Variants in FBXL17 observed in about 807,000 individuals in gnomAD.
The protein encoded by FBXL17 is F-box and leucine rich repeat protein 17.
FBXL17 carries 22 observed loss-of-function variants against 66.2 expected under a neutral mutation model. That is an observed-to-expected ratio of 0.33 (90% CI 0.24 to 0.47). FBXL17 has a LOEUF of 0.47. Among genes scored for constraint, FBXL17 ranks in the 20% least tolerant of loss-of-function variants. The pLI is 1.00. For synonymous variants in FBXL17, 474 were observed against 400.5 expected (o/e 1.18, Z -2.19); for missense variants, 878 against 948.2 (o/e 0.93, Z 0.97).
intron 4 of FBXL17, among the ~76,000 whole-genome samples, chr5:108,233,996 G>A (rs1229300259): frequency 6.6e-6 from 1 of 152,122 alleles, no homozygotes; most frequent in Admixed American, 6.6e-5. Flanking sequence ...GCCCCTGCAG[G>A]AGGTGGAAAT....
At chr5:107,931,778 C>A (rs1213946412) in intron 7 of FBXL17, among the ~76,000 whole-genome samples, 1 of 152,082 alleles carries the variant, frequency 6.6e-6, no homozygotes, top group Non-Finnish European at 1.5e-5. Flanking sequence ...GTCACATATT[C>A]ACATTTTATA....
At chr5:108,086,610 G>C (rs1748980591) in intron 6 of FBXL17, among the ~76,000 whole-genome samples, 1 of 152,164 alleles carries the variant, frequency 6.6e-6, no homozygotes, top group Non-Finnish European at 1.5e-5. Flanking sequence ...CCAGGCTGGA[G>C]TGCAGTGGCA....
intron 6 of FBXL17, among the ~76,000 whole-genome samples, chr5:108,129,320 C>A (rs1053528147): frequency 5.9e-5 from 9 of 152,038 alleles, no homozygotes; most frequent in African/African-American, 2.2e-4. Flanking sequence ...AGTTGTCACT[C>A]ACAGGATGAC....
chr5:108,110,927 A>G (rs1041703089), intron 6 of FBXL17, among the ~76,000 whole-genome samples: 1 of 152,202 alleles, frequency 6.6e-6, no homozygotes, highest in Non-Finnish European at 1.5e-5. Context: ...TAAACTAGGT[A>G]CTAAGCCTCC....
chr5:108,201,738 C>G lies in FBXL17; in HGVS notation c.1615-15491G>C, dbSNP rs956372450. Reference sequence around the variant, plus strand: ...TGTTCTGCTGATTTAGAAATGGGACCCCTTCCATGTTCAATATCACTCTTT... The same window carrying G: ...TGTTCTGCTGATTTAGAAATGGGACGCCTTCCATGTTCAATATCACTCTTT... On this transcript the variant is annotated intron_variant, in intron 5 of 8. Coordinates refer to ENST00000542267, the MANE Select transcript of FBXL17 (RefSeq NM_001163315.3). 7.3e-5 allele frequency among the ~76,000 whole-genome samples: 11 copies of G among 151,674 alleles called. No individual in the cohort carries two copies. The East Asian group carries it at 1.2e-3, about 16-fold the overall frequency.
At chr5:108,125,468 A>G (rs530500047) in intron 6 of FBXL17, among the ~76,000 whole-genome samples, 1 of 152,086 alleles carries the variant, frequency 6.6e-6, no homozygotes, top group African/African-American at 2.4e-5. Flanking sequence ...ACTGAACAAA[A>G]TGGTTAACAC....
chr5:108,354,456 C>G (rs1388655562), intron 3 of FBXL17, among the ~76,000 whole-genome samples: 1 of 150,880 alleles, frequency 6.6e-6, no homozygotes, highest in Non-Finnish European at 1.5e-5. Context: ...AGAAAAAAGA[C>G]TGAAAAAAAA....
rs189561402 is a variant in FBXL17 at position 108,019,396 on chromosome 5, A to G, written c.1822+1529T>C. Among the ~76,000 whole-genome samples the G allele has an allele frequency of 1.2e-4, 19 of 152,204 alleles. No individual in the cohort carries two copies. The East Asian group carries it at 3.5e-3, about 28-fold the overall frequency. ...CACTGCCTTTGTTATGACATGAAGTATCTCTATGCCTTCAGGATAAAGTGT... is the reference window on the plus strand; with the variant it reads ...CACTGCCTTTGTTATGACATGAAGTGTCTCTATGCCTTCAGGATAAAGTGT... On this transcript the variant is annotated intron_variant, in intron 7 of 8. Coordinates refer to ENST00000542267, the MANE Select transcript of FBXL17 (RefSeq NM_001163315.3).
chr5:108,133,370 C>T (rs897118042), intron 6 of FBXL17, among the ~76,000 whole-genome samples: 1 of 151,944 alleles, frequency 6.6e-6, no homozygotes, highest in Non-Finnish European at 1.5e-5. Context: ...TTTAAATATT[C>T]ATAGTTTATG....
intron 7 of FBXL17, among the ~76,000 whole-genome samples, chr5:107,904,387 T>TA (rs1749682046): frequency 6.6e-6 from 1 of 152,164 alleles, no homozygotes; most frequent in East Asian, 1.9e-4. Context: ...GACTCTGCTC[T>TA]ATTTGGATCC....
At chr5:107,979,509 G>A (rs1045811446) in intron 7 of FBXL17, among the ~76,000 whole-genome samples, 5 of 152,198 alleles carry the variant, frequency 3.3e-5, no homozygotes, top group Non-Finnish European at 5.9e-5. Flanking sequence ...TGAGAAATCA[G>A]TTTCTGCTTC....
intron 1 of FBXL17, among the ~76,000 whole-genome samples, chr5:108,372,140 T>G (rs563305030): frequency 6.6e-6 from 1 of 152,344 alleles, no homozygotes; most frequent in Admixed American, 6.5e-5. Flanking sequence ...TGAAGCTTGT[T>G]GTGTGTTACC....
At position 108,270,196 on chromosome 5, in the gene FBXL17, G is replaced by A. The variant is rs1479360330; in HGVS notation, c.1507-45968C>T. ...TGCCATATAAAAAATTAGATTATAA[G>A]AAAACCGTAGAAACTCTTAATGGAA... On this transcript the variant is annotated intron_variant, in intron 4 of 8. Coordinates refer to ENST00000542267, the MANE Select transcript of FBXL17 (RefSeq NM_001163315.3). 5.3e-5 allele frequency among the ~76,000 whole-genome samples: 8 copies of A among 152,066 alleles called. No homozygotes were observed. The East Asian group carries it at 1.5e-3, about 29-fold the overall frequency.
chr5:108,008,374 C>G (rs1163031383), intron 7 of FBXL17, among the ~76,000 whole-genome samples: 3 of 152,098 alleles, frequency 2.0e-5, no homozygotes, highest in African/African-American at 7.2e-5. Context: ...AGGATTTCAA[C>G]CAATTTCTTA....
At chr5:108,040,434 G>C (rs1393805850) in intron 6 of FBXL17, among the ~76,000 whole-genome samples, 1 of 151,992 alleles carries the variant, frequency 6.6e-6, no homozygotes, top group East Asian at 1.9e-4. Flanking sequence ...AGTGATATAT[G>C]ATTTTTAAAA....
In FBXL17 at chr5:107,980,786, A is replaced by G. The variant is rs544805310; in HGVS notation, c.1822+40139T>C. 2.0e-5 allele frequency among the ~76,000 whole-genome samples: 3 copies of G among 148,132 alleles called. No individual in the cohort carries two copies. In the South Asian group the frequency reaches 6.5e-4, roughly 32 times the overall value. The stretch of plus-strand genomic sequence containing the variant: ...ATTCTCCTGCCTCAGCCTCCTGAGT[A>G]GCTGGGACTACAGGCACCCACCACC... On this transcript the variant is annotated intron_variant, in intron 7 of 8. Coordinates refer to ENST00000542267, the MANE Select transcript of FBXL17 (RefSeq NM_001163315.3).
At chr5:108,103,747 A>G (rs546156588) in intron 6 of FBXL17, among the ~76,000 whole-genome samples, 2 of 152,300 alleles carry the variant, frequency 1.3e-5, no homozygotes, top group South Asian at 4.1e-4. Flanking sequence ...TATTTTGGGA[A>G]GCCAGTAGGG....
chr5:108,280,742 AC>A (rs969496386), intron 4 of FBXL17, among the ~76,000 whole-genome samples: 6 of 151,652 alleles, frequency 4.0e-5, no homozygotes, highest in African/African-American at 1.2e-4. Flanking sequence ...TAAAAAAAAA[AC>A]ATGATCCAAC....
rs1561437225 is a variant in FBXL17, at chr5:108,154,646, C to CATGTATAT, written c.1745+31470_1745+31471insATATACAT. Among the ~76,000 whole-genome samples the CATGTATAT allele has an allele frequency of 3.1e-5, 4 of 128,022 alleles. 1 individual carries two copies. In the South Asian group the frequency reaches 8.0e-4, roughly 26 times the overall value. The allele number at this position is 128,022 out of a possible 152,430, so 84.0% of individuals were successfully genotyped here. A position where few individuals can be genotyped will look rare whatever the true frequency, so the allele number is the denominator to read the frequency against. On this transcript the variant is annotated intron_variant, in intron 6 of 8. Transcript: ENST00000542267. Reference sequence around the variant, plus strand: ...ACACACACACACACACACACACACACACATATATGTATATACATATATATG... The same window carrying CATGTATAT: ...ACACACACACACACACACACACACACATGTATATACATATATGTATATACATATATATG...
Sources: allele counts gnomAD v4.1 joint callset (sites outside exome capture counted in the v4.1 genomes callset), GRCh38; gene constraint gnomAD v4.1.1; transcripts MANE v1.5; gene names NCBI Gene and HGNC (gene_info 2026-07-23, HGNC 2026-07-21).